MDN1: variants seen among roughly 807,000 people sequenced by gnomAD.
MDN1 encodes the protein midasin.
A neutral mutation model predicts 669.2 loss-of-function variants in MDN1; 266 were observed. The ratio of observed to expected loss-of-function variants is 0.40; its 90% CI spans 0.36 to 0.44. The LOEUF (loss-of-function observed/expected upper bound fraction) is 0.44, where lower values mean the gene tolerates loss of function less well. MDN1 is among the 20% of genes least tolerant of loss of function. The probability of loss-of-function intolerance (pLI) is 1.00; values close to 1 mark genes in which losing one functional copy is unlikely to be tolerated. For synonymous variants in MDN1, 2,385 were observed against 2,457.1 expected (o/e 0.97, Z 0.87); for missense variants, 5,940 against 6,754.0 (o/e 0.88, Z 4.22).
At chr6:89,709,305 T>C (rs1016768956) in intron 50 of MDN1, among the ~76,000 whole-genome samples, 1 of 152,148 alleles carries the variant, frequency 6.6e-6, no homozygotes, top group Admixed American at 6.5e-5. Flanking sequence ...TATAGTAGAC[T>C]ACCCAGACTA....
At chr6:89,661,629 T>A in intron 87 of MDN1, 51 bp from the exon 88 acceptor site, 1 of 1,514,736 alleles carries the variant, frequency 6.6e-7, no homozygotes. Flanking sequence ...AAATATTTTT[T>A]TAAAAAGTAG....
At chr6:89,699,483 C>T (rs1812991927) in intron 58 of MDN1, 118 bp downstream of exon 58, 9 of 1,213,330 alleles carry the variant, frequency 7.4e-6, no homozygotes, top group African/African-American at 1.6e-5. Flanking sequence ...TTCAAAAAAA[C>T]CTGAGGTTTC....
intron 1 of MDN1, among the ~76,000 whole-genome samples, chr6:89,814,318 T>C (rs1168133580): frequency 1.3e-5 from 2 of 150,648 alleles, no homozygotes; most frequent in Non-Finnish European, 2.9e-5. Flanking sequence ...CTAGTAGCAA[T>C]AAGATACAAA....
At chr6:89,764,342 C>T (rs1394690639) in intron 15 of MDN1, among the ~76,000 whole-genome samples, 1 of 152,166 alleles carries the variant, frequency 6.6e-6, no homozygotes, top group Non-Finnish European at 1.5e-5. Flanking sequence ...CGGTGGCTCA[C>T]ACCTGTTAAT....
chr6:89,687,508 A>T, intron 67 of MDN1, 70 bp from the exon 68 acceptor site: 1 of 1,386,328 alleles, frequency 7.2e-7, no homozygotes, highest in Non-Finnish European at 1.0e-6. Context: ...CCTCAAGAAC[A>T]TCTTGAACTT....
chr6:89,722,808 T>C, intron 40 of MDN1, 147 bp downstream of exon 40: 2 of 675,518 alleles, frequency 3.0e-6, no homozygotes, highest in South Asian at 2.4e-5. Flanking sequence ...ATTATGCCAT[T>C]GCACTCCAGC....
chr6:89,797,004 G>A (rs940791387), intron 2 of MDN1, among the ~76,000 whole-genome samples: 2 of 151,500 alleles, frequency 1.3e-5, no homozygotes, highest in Non-Finnish European at 2.9e-5. Flanking sequence ...GGAGGCGAAG[G>A]TTGCAGTGAG....
At position 89,644,956 on chromosome 6, in the gene MDN1, C is replaced by T; in HGVS notation, c.16602+59G>A. ...GATCCAGGCCATATTTCAGATTGAA[C>T]AGGTTGAAGGGAATCCCCACTTTAC... On this transcript the variant is annotated intron_variant, in intron 101 of 101. Coordinates refer to ENST00000369393, the MANE Select transcript of MDN1 (RefSeq NM_014611.3). 2.0e-6 allele frequency: 3 copies of T among 1,510,916 alleles called. No individual in the cohort carries two copies. The South Asian group carries it at 3.8e-5, about 19-fold the overall frequency. 93.6% of individuals were successfully genotyped at this position (1,510,916 alleles called of 1,614,324 possible).
intron 52 of MDN1, among the ~76,000 whole-genome samples, chr6:89,706,653 T>A (rs982815042): frequency 6.6e-6 from 1 of 152,154 alleles, no homozygotes; most frequent in African/African-American, 2.4e-5. Context: ...ATATTAGGGA[T>A]GTTCAATCTG....
chr6:89,699,944 CT>C lies in MDN1; in HGVS notation c.8870+118del, dbSNP rs1813029241. 8 of 1,143,876 alleles carry C rather than the reference CT, an allele frequency of 7.0e-6. No individual in the cohort carries two copies. The South Asian group carries it at 1.3e-4, about 18-fold the overall frequency. The allele number at this position is 1,143,876 out of a possible 1,614,324, so 70.9% of individuals were successfully genotyped here. On this transcript the variant is annotated intron_variant, in intron 57 of 101. Coordinates refer to ENST00000369393, the MANE Select transcript of MDN1 (RefSeq NM_014611.3). ...TTTGGCTTTCCAAAGTGGCAAATCA[CT>C]TCCCTCTGCTTCGGTAACCATCCCT...
intron 1 of MDN1, among the ~76,000 whole-genome samples, chr6:89,803,895 C>CTTTTTT (rs56246331): frequency 1.4e-4 from 11 of 76,414 alleles, no homozygotes; most frequent in East Asian, 4.4e-4. Context: ...CTTTTCTTTT[C>CTTTTTT]TTTTTTTTTT....
At chr6:89,669,017 T>A (rs761730) in intron 83 of MDN1, among the ~76,000 whole-genome samples, 26,432 of 152,184 alleles carry the variant, frequency 0.17, 2,360 homozygotes, top group East Asian at 0.22. Context: ...TGAGAGACAT[T>A]CAGAAATAGA....
chr6:89,690,944 CAAAT>C, intron 63 of MDN1, 110 bp from the exon 64 acceptor site: 2 of 1,285,002 alleles, frequency 1.6e-6, no homozygotes, highest in Non-Finnish European at 2.1e-6. Context: ...GACTCAAAAA[CAAAT>C]AAAAGCCAAC....
chr6:89,775,667 C>A (rs1294896611), intron 12 of MDN1, among the ~76,000 whole-genome samples: 1 of 152,048 alleles, frequency 6.6e-6, no homozygotes, highest in African/African-American at 2.4e-5. Context: ...CTACTCTTTG[C>A]AACTTTTTTT....
chr6:89,794,322 T>C, intron 3 of MDN1, 115 bp from the exon 4 acceptor site: 1 of 689,462 alleles, frequency 1.5e-6, no homozygotes, highest in South Asian at 2.0e-5. Context: ...TTACAACACA[T>C]TTAAGAACAG....
chr6:89,809,280 A>G (rs1048526725), intron 1 of MDN1, among the ~76,000 whole-genome samples: 1 of 150,916 alleles, frequency 6.6e-6, no homozygotes, highest in Non-Finnish European at 1.5e-5. Context: ...CTGTTTGCAT[A>G]GCTTCATATA....
intron 46 of MDN1, among the ~76,000 whole-genome samples, chr6:89,713,553 G>A (rs1814104883): frequency 6.6e-6 from 1 of 152,126 alleles, no homozygotes; most frequent in Non-Finnish European, 1.5e-5. Flanking sequence ...ATGTGATAAA[G>A]TCTGGTCACA....
At chr6:89,755,005 A>C (rs1817167822) in intron 20 of MDN1, among the ~76,000 whole-genome samples, 1 of 152,186 alleles carries the variant, frequency 6.6e-6, no homozygotes. Flanking sequence ...TTTTTAATAT[A>C]TGGAATATAT....
At chr6:89,724,221 G>C (rs907125901) in intron 38 of MDN1, among the ~76,000 whole-genome samples, 4 of 152,150 alleles carry the variant, frequency 2.6e-5, no homozygotes, top group African/African-American at 9.6e-5. Flanking sequence ...CTGGGTGGTA[G>C]ATACGAGTAT....
Sources: allele counts gnomAD v4.1 joint callset (sites outside exome capture counted in the v4.1 genomes callset), GRCh38; gene constraint gnomAD v4.1.1; transcripts MANE v1.5; gene names NCBI Gene and HGNC (gene_info 2026-07-23, HGNC 2026-07-21).